GPR143: variants seen among roughly 807,000 people sequenced by gnomAD.
GPR143 encodes G-protein coupled receptor 143.
Under a neutral mutation model 27.6 loss-of-function variants are expected in GPR143, and 8 were observed. That is an observed-to-expected ratio of 0.29 (90% confidence interval 0.17 to 0.52). GPR143 has a LOEUF of 0.52. Ranked by LOEUF, GPR143 falls within the 20% of genes least tolerant of loss-of-function variation. GPR143 has a pLI of 0.96. For missense variants in GPR143, 303 were observed against 343.1 expected, an observed-to-expected ratio of 0.88 and a Z score of 0.92; for synonymous variants, 156 against 153.2, an observed-to-expected ratio of 1.02 and a Z score of -0.13.
At chrX:9,749,177 T>G (rs892102092) in intron 3 of GPR143, among the ~76,000 whole-genome samples, 5 of 111,358 alleles carry the variant, frequency 4.5e-5, no homozygotes, top group Non-Finnish European at 9.4e-5. Context: ...GTTCTCGTGA[T>G]AGTGAGTGAG....
chrX:9,770,127 C>G (rs1217130262), upstream of GPR143, among the ~76,000 whole-genome samples: 1 of 69,439 alleles, frequency 1.4e-5, no homozygotes, highest in African/African-American at 6.2e-5. Context: ...CCTGGGGCAA[C>G]ATAGGGAGAC....
intron 3 of GPR143, among the ~76,000 whole-genome samples, chrX:9,751,532 T>C (rs2083451436): frequency 8.9e-6 from 1 of 112,471 alleles, no homozygotes; most frequent in South Asian, 3.7e-4. Context: ...GAAGTACTAA[T>C]GCATGCTACT....
At chrX:9,746,436 G>C (rs2083428849) in intron 4 of GPR143, among the ~76,000 whole-genome samples, 1 of 110,430 alleles carries the variant, frequency 9.1e-6, no homozygotes, top group African/African-American at 3.3e-5. Flanking sequence ...GAAAAGATCG[G>C]AAAGAAAAAC....
At chrX:9,754,107 G>A (rs1484592337) in intron 3 of GPR143, among the ~76,000 whole-genome samples, 1 of 111,142 alleles carries the variant, frequency 9.0e-6, no homozygotes, top group Non-Finnish European at 1.9e-5. Flanking sequence ...TCCATGGGAT[G>A]CATGGCTGTC....
rs957610130 is a variant in GPR143 at position 9,746,118 on chromosome X, T to C, written c.584A>G (p.Tyr195Cys). 1.7e-6 allele frequency: 2 copies of C among 1,197,276 alleles called. No homozygotes were observed. The highest frequency in any genetic ancestry group is 3.5e-5 in the African/African-American group (2 of 56,811). Residue 195 changes from tyrosine (Y) to cysteine (C), a missense_variant, in exon 5 of 9, where the codon TAT becomes TGT. By Grantham distance (194) the Tyr-to-Cys change is radical. Transcript: ENST00000467482. The part of the protein sequence containing the change: ...ERGLDHAIPH[Y>C]VTMYLPLLLV... ...CAGCAGGGGCAGGTACATGGTGACA[T>C]AGTGGGGGATGGCGTGGTCCAGGCC... is the stretch of plus-strand genomic sequence containing the variant.
At chrX:9,732,857 C>T (rs1398504303) in intron 8 of GPR143, among the ~76,000 whole-genome samples, 2 of 72,913 alleles carry the variant, frequency 2.7e-5, no homozygotes, top group East Asian at 4.0e-4. Flanking sequence ...GTGAATGAAA[C>T]TCCATCTCAA....
intron 3 of GPR143, among the ~76,000 whole-genome samples, chrX:9,751,147 C>T (rs755911328): frequency 8.9e-6 from 1 of 112,860 alleles, no homozygotes; most frequent in Non-Finnish European, 1.9e-5. Context: ...AAACCCTCTG[C>T]GGCCTTCCTG....
intron 8 of GPR143, 139 bp from the exon 9 acceptor site, chrX:9,725,979 GCAA>G: frequency 3.2e-5 from 9 of 280,320 alleles, no homozygotes; most frequent in Admixed American, 4.8e-4. Flanking sequence ...CATCTCATCT[GCAA>G]AAAAAAAAAA....
chrX:9,738,495 C>T, intron 8 of GPR143: 2 of 734,305 alleles, frequency 2.7e-6, no homozygotes, highest in Non-Finnish European at 1.6e-6. Flanking sequence ...TTCATGGCTC[C>T]CAATTTCAAC....
chrX:9,765,443 G>C, intron 1 of GPR143, 125 bp downstream of exon 1: 3 of 705,514 alleles, frequency 4.3e-6, no homozygotes, highest in Non-Finnish European at 3.7e-6. Flanking sequence ...CTCCATCACG[G>C]AACAGGTCCA....
chrX:9,771,992 T>C (rs776138284), intron 1 of GPR143, among the ~76,000 whole-genome samples: 5 of 111,240 alleles, frequency 4.5e-5, no homozygotes, highest in African/African-American at 1.3e-4. Context: ...ATTACAGGCA[T>C]GAGCCACCGC....
Position 9,765,586 on chromosome X carries a change from C to G in GPR143, c.232G>C (p.Asp78His). The G allele has an allele frequency of 9.4e-7, 1 of 1,061,391 alleles. No homozygotes were observed. Among genetic ancestry groups the G allele is most frequent in the Non-Finnish European group, 1.2e-6 (1 of 822,753 alleles). 87.5% of individuals were successfully genotyped at this position (1,061,391 alleles called of 1,213,427 possible). A position where few individuals can be genotyped will look rare whatever the true frequency, so the allele number is the denominator to read the frequency against. ...VRILRAAAAC[D>H]LLGCLGMVIR... Reference sequence around the variant, plus strand: ...CCCTTACCCAGGCAGCCGAGAAGGTCGCAGGCAGCGGCAGCGCGCAGGATG... The same window carrying G: ...CCCTTACCCAGGCAGCCGAGAAGGTGGCAGGCAGCGGCAGCGCGCAGGATG... Residue 78 changes from aspartate (D) to histidine (H), a missense_variant, in exon 1 of 9, where the codon GAC becomes CAC. Physicochemically the swap from Asp to His is moderately conservative, Grantham distance 81. Coordinates refer to ENST00000467482, the MANE Select transcript of GPR143 (RefSeq NM_000273.3).
intron 1 of GPR143, among the ~76,000 whole-genome samples, chrX:9,775,485 C>T (rs1457866420): frequency 5.4e-5 from 6 of 111,582 alleles, no homozygotes; most frequent in East Asian, 2.8e-4. Flanking sequence ...CATCGTCTTT[C>T]GTAACTCTCA....
chrX:9,753,352 C>T (rs902802963), intron 3 of GPR143, among the ~76,000 whole-genome samples: 54 of 99,890 alleles, frequency 5.4e-4, no homozygotes, highest in African/African-American at 1.9e-3. Flanking sequence ...AGCAAGACTC[C>T]GTCTCAAAAA....
chrX:9,753,657 C>T (rs984021274), intron 3 of GPR143, among the ~76,000 whole-genome samples: 4 of 111,446 alleles, frequency 3.6e-5, no homozygotes, highest in Admixed American at 2.9e-4. Flanking sequence ...TCCTTCTCAG[C>T]TGTGTGGGCC....
chrX:9,762,114 G>T (rs2083505112), intron 1 of GPR143, among the ~76,000 whole-genome samples: 1 of 104,942 alleles, frequency 9.5e-6, no homozygotes, highest in Admixed American at 1.0e-4. Flanking sequence ...AAAGAGCCTG[G>T]CATGGTGGCT....
Position 9,746,037 on chromosome X carries a change from T to C in GPR143, c.658+7A>G. On this transcript the variant is annotated splice_region_variant and intron_variant, in intron 5 of 8. Coordinates refer to ENST00000467482, the MANE Select transcript of GPR143 (RefSeq NM_000273.3). ...CCGTGTACCCAGAGAGCTTCCCTAG[T>C]ATTTACCTGCAGTCACTGTCTTTTG... 9.0e-7 allele frequency: 1 copy of C among 1,112,967 alleles called. No homozygotes were observed. The highest frequency in any genetic ancestry group is 1.8e-5 in the African/African-American group (1 of 55,768). 91.7% of individuals were successfully genotyped at this position (1,112,967 alleles called of 1,213,427 possible).
At chrX:9,731,219 A>G (rs1317999422) in intron 8 of GPR143, among the ~76,000 whole-genome samples, 1 of 112,065 alleles carries the variant, frequency 8.9e-6, no homozygotes, top group Non-Finnish European at 1.9e-5. Context: ...AAATGGGGAA[A>G]CCACATCTCT....
intron 8 of GPR143, among the ~76,000 whole-genome samples, chrX:9,728,852 C>CACAT (rs2083341520): frequency 1.8e-5 from 2 of 109,352 alleles, no homozygotes; most frequent in African/African-American, 6.7e-5. Context: ...GTTCCTCCAA[C>CACAT]ACATACACAT....
Sources: allele counts gnomAD v4.1 joint callset (sites outside exome capture counted in the v4.1 genomes callset), GRCh38; gene constraint gnomAD v4.1.1; transcripts MANE v1.5; gene names NCBI Gene and HGNC (gene_info 2026-07-23, HGNC 2026-07-21).